Variants in GAREM1 observed in about 807,000 individuals in gnomAD.
GAREM1 encodes the protein GRB2-associated and regulator of MAPK protein 1.
In GAREM1, 26 loss-of-function variants were observed where a neutral mutation model predicts 71.3. The ratio of observed to expected loss-of-function variants is 0.36; its 90% CI spans 0.27 to 0.51. GAREM1 has a LOEUF of 0.51. Ranked by LOEUF, GAREM1 falls within the 20% of genes least tolerant of loss-of-function variation. The pLI is 0.95. For synonymous variants in GAREM1, 440 were observed against 433.2 expected (o/e 1.02, Z -0.20); for missense variants, 1,026 against 1,103.1 (o/e 0.93, Z 0.99).
At chr18:32,396,145 C>G (rs1179317370) in intron 1 of GAREM1, among the ~76,000 whole-genome samples, 1 of 152,158 alleles carries the variant, frequency 6.6e-6, no homozygotes, top group Non-Finnish European at 1.5e-5. Context: ...AGGACATCCA[C>G]ACCAAAACGC....
intron 4 of GAREM1, among the ~76,000 whole-genome samples, chr18:32,271,525 G>T (rs1212684715): frequency 1.3e-5 from 2 of 152,160 alleles, no homozygotes; most frequent in Non-Finnish European, 2.9e-5. Context: ...ATCATCTAGG[G>T]ATCTTGTTTA....
chr18:32,366,906 A>G (rs1331157724), intron 2 of GAREM1, among the ~76,000 whole-genome samples: 4 of 152,202 alleles, frequency 2.6e-5, no homozygotes, highest in Non-Finnish European at 5.9e-5. Flanking sequence ...TAAGCTTGAA[A>G]AACCAAGTAT....
At chr18:32,279,316 G>C (rs1028734792) in intron 4 of GAREM1, among the ~76,000 whole-genome samples, 2 of 152,182 alleles carry the variant, frequency 1.3e-5, no homozygotes, top group African/African-American at 2.4e-5. Flanking sequence ...CAGCTGGCAA[G>C]TGAGCCAGTG....
chr18:32,329,857 T>C (rs2047514613), intron 2 of GAREM1, among the ~76,000 whole-genome samples: 1 of 152,062 alleles, frequency 6.6e-6, no homozygotes, highest in Non-Finnish European at 1.5e-5. Context: ...CTCTTCATAT[T>C]ACTAACACCC....
chr18:32,437,366 C>T (rs1054336103), intron 1 of GAREM1, among the ~76,000 whole-genome samples: 3 of 152,270 alleles, frequency 2.0e-5, no homozygotes, highest in South Asian at 2.1e-4. Flanking sequence ...CAAGATACTA[C>T]TCCGTGCTGG....
chr18:32,265,351 T>C lies in GAREM1; in HGVS notation c.*2520A>G, dbSNP rs1357701734. ...CAACACATTCCAAGTTTTAGTGATC[T>C]TGGGGTGTTCTGTACCCCTTAATAG... On this transcript the variant is annotated 3_prime_UTR_variant, in exon 6 of 6. Transcript: ENST00000269209. 4 of 152,272 alleles carry C rather than the reference T, an allele frequency of 2.6e-5. No homozygotes were observed. Among genetic ancestry groups the C allele is most frequent in the Non-Finnish European group, 4.4e-5 (3 of 68,070 alleles). 9.4% of individuals were successfully genotyped at this position (152,272 alleles called of 1,614,324 possible).
rs759962809 is a variant in GAREM1, at chr18:32,268,107, C to T, written c.2395G>A (p.Gly799Ser). 11 of 1,613,920 alleles carry T rather than the reference C, an allele frequency of 6.8e-6. No individual in the cohort carries two copies. Among genetic ancestry groups the T allele is most frequent in the Admixed American group, 1.7e-5 (1 of 59,998 alleles). Residue 799 changes from glycine (G) to serine (S), a missense_variant, in exon 6 of 6, where the codon GGT becomes AGT. Around this residue, in one of 3 missense-constraint regions of GAREM1, gnomAD observed 636 missense variants for 631.2 expected, o/e 1.01. Transcript: ENST00000269209. ...LQLAPRSCGD[G>S]SPWQPPADLS... The stretch of plus-strand genomic sequence containing the variant: ...TCAGCAGGTGGCTGCCATGGGGAAC[C>T]GTCGCCACAGGATCTGGGGGCCAGC...
intron 5 of GAREM1, 118 bp downstream of exon 5, chr18:32,270,099 A>T (rs1351024588): frequency 2.8e-6 from 3 of 1,067,774 alleles, no homozygotes; most frequent in African/African-American, 3.2e-5. Context: ...GAAAATTAAA[A>T]AGCCATTTCC....
chr18:32,287,379 G>A lies in GAREM1; in HGVS notation c.1218C>T (p.Cys406=). 1 of 1,614,202 alleles carries A rather than the reference G, an allele frequency of 6.2e-7. No homozygotes were observed. Reference sequence around the variant, plus strand: ...GAGCCCAATCTCCCCCCAGGTCCCTGCAACCATGAAGGTTCACCTCACTGT... The same window carrying A: ...GAGCCCAATCTCCCCCCAGGTCCCTACAACCATGAAGGTTCACCTCACTGT... ...HGNSEVNLHG[C]RDLGGDWAPF... is the part of the protein sequence containing the mutation. Residue 406 remains cysteine (C), a synonymous_variant, in exon 4 of 6, where the codon TGC becomes TGT. Transcript: ENST00000269209. The surrounding 1 kb of genome is among the most constrained non-coding windows in gnomAD (Gnocchi z 5.9).
At chr18:32,315,417 A>G (rs2047365927) in intron 2 of GAREM1, among the ~76,000 whole-genome samples, 1 of 147,746 alleles carries the variant, frequency 6.8e-6, no homozygotes, top group Non-Finnish European at 1.5e-5. Flanking sequence ...TATTATATAA[A>G]TATATATAAA....
chr18:32,285,109 C>A (rs76792872), intron 4 of GAREM1, among the ~76,000 whole-genome samples: 3,841 of 152,198 alleles, frequency 0.025, 154 homozygotes, highest in African/African-American at 0.08. Context: ...TGACATAAAC[C>A]CAAGGGCCAA....
chr18:32,266,108 C>T lies in GAREM1; in HGVS notation c.*1763G>A, dbSNP rs559715415. On this transcript the variant is annotated 3_prime_UTR_variant, in exon 6 of 6. Transcript: ENST00000269209. ...TATAGTATTTACATTTTGGGAGACA[C>T]GTTAGGAGAAAAAAAATGCTTTTTT... 6.7e-6 allele frequency: 1 copy of T among 150,134 alleles called. No individual in the cohort carries two copies. Among genetic ancestry groups the T allele is most frequent in the African/African-American group, 2.5e-5 (1 of 40,522 alleles). The allele number at this position is 150,134 out of a possible 1,614,324, so 9.3% of individuals were successfully genotyped here.
Position 32,429,030 on chromosome 18 carries a change from C to T in GAREM1, c.122-35995G>A, listed in dbSNP as rs531605188. Among the ~76,000 whole-genome samples the T allele has an allele frequency of 2.0e-5, 3 of 152,186 alleles. No individual in the cohort carries two copies. The South Asian group carries it at 6.2e-4, about 32-fold the overall frequency. The stretch of plus-strand genomic sequence containing the variant: ...ATGTTTCTTTATGTACTACCCTCTC[C>T]TCTCAAAAAATAACTCTCTAAAATA... On this transcript the variant is annotated intron_variant, in intron 1 of 5. Coordinates refer to ENST00000269209, the MANE Select transcript of GAREM1 (RefSeq NM_001242409.2).
At chr18:32,381,837 C>T (rs1425995646) in intron 2 of GAREM1, among the ~76,000 whole-genome samples, 7 of 152,212 alleles carry the variant, frequency 4.6e-5, no homozygotes, top group African/African-American at 1.4e-4. Flanking sequence ...CCCTCTATCC[C>T]AGAGCCATTT....
At chr18:32,457,578 T>A (rs1490022772) in intron 1 of GAREM1, among the ~76,000 whole-genome samples, 1 of 151,992 alleles carries the variant, frequency 6.6e-6, no homozygotes, top group Non-Finnish European at 1.5e-5. Flanking sequence ...TGAGTAAAAT[T>A]CACAGTCTAC....
intron 1 of GAREM1, among the ~76,000 whole-genome samples, chr18:32,406,405 G>A (rs1022273699): frequency 6.6e-6 from 1 of 152,072 alleles, no homozygotes; most frequent in Non-Finnish European, 1.5e-5. Flanking sequence ...ACTGTTTATT[G>A]TGAGAATACA....
intron 2 of GAREM1, among the ~76,000 whole-genome samples, chr18:32,363,911 C>T (rs1335439727): frequency 1.4e-5 from 2 of 143,728 alleles, no homozygotes; most frequent in Non-Finnish European, 3.0e-5. Flanking sequence ...TATACACACA[C>T]ACACACATAA....
chr18:32,451,313 C>CTAATT, intron 1 of GAREM1, among the ~76,000 whole-genome samples: 1 of 129,040 alleles, frequency 7.7e-6, no homozygotes, highest in South Asian at 2.4e-4. Context: ...CTTTCTTATT[C>CTAATT]CCACAACTAT....
intron 1 of GAREM1, among the ~76,000 whole-genome samples, chr18:32,410,445 C>T (rs1297521184): frequency 2.0e-5 from 3 of 152,138 alleles, no homozygotes; most frequent in East Asian, 1.9e-4. Flanking sequence ...AACTCCTGGG[C>T]TCAATGATTC....
Sources: allele counts gnomAD v4.1 joint callset (sites outside exome capture counted in the v4.1 genomes callset), GRCh38; gene constraint gnomAD v4.1.1; regional missense constraint gnomAD v4.1.1; non-coding constraint Gnocchi (gnomAD v3.1); transcripts MANE v1.5; gene names NCBI Gene and HGNC (gene_info 2026-07-23, HGNC 2026-07-21).